Variants in ABCA7 observed in about 807,000 individuals in gnomAD.
The protein encoded by ABCA7 is ATP binding cassette subfamily A member 7.
Under a neutral mutation model 227.6 loss-of-function variants are expected in ABCA7, and 261 were observed. The ratio of observed to expected loss-of-function variants is 1.15; its 90% confidence interval spans 1.04 to 1.27. The LOEUF (loss-of-function observed/expected upper bound fraction) is 1.27. Among genes scored for constraint, ABCA7 ranks in the 50% most tolerant of loss-of-function variants. The pLI, the probability that ABCA7 is intolerant of heterozygous loss-of-function variation, is 0.00. For missense variants in ABCA7, 3,331 were observed against 2,924.5 expected (o/e 1.14, Z -3.21); for synonymous variants, 1,488 against 1,279.7 (o/e 1.16, Z -3.47).
intron 40 of ABCA7, among the ~76,000 whole-genome samples, chr19:1,061,039 C>A (rs2042617543): frequency 6.6e-6 from 1 of 152,090 alleles, no homozygotes; most frequent in South Asian, 2.1e-4. Flanking sequence ...TCGCTACATA[C>A]CCCAATATCT....
At chr19:1,061,638 G>T in intron 40 of ABCA7, 144 bp from the exon 41 acceptor site, 2 of 675,040 alleles carry the variant, frequency 3.0e-6, no homozygotes, top group Non-Finnish European at 2.4e-6. Flanking sequence ...GGCAGAGGTT[G>T]CAGTGAGCCA....
intron 18 of ABCA7, 84 bp from the exon 19 acceptor site, chr19:1,050,837 T>A (rs55999131): frequency 0.34 from 371,559 of 1,095,532 alleles, 68,110 homozygotes; most frequent in Middle Eastern, 0.42. Flanking sequence ...AAAAATTTTT[T>A]AAAAACAGAA....
chr19:1,061,504 G>A (rs1234168474), intron 40 of ABCA7, among the ~76,000 whole-genome samples: 2 of 151,014 alleles, frequency 1.3e-5, no homozygotes, highest in Non-Finnish European at 2.9e-5. Context: ...AGACCATCCT[G>A]GCCAACACGG....
chr19:1,052,779 G>C (rs1291894505), intron 23 of ABCA7, among the ~76,000 whole-genome samples: 1 of 151,330 alleles, frequency 6.6e-6, no homozygotes, highest in Non-Finnish European at 1.5e-5. Flanking sequence ...CCATCCCTGG[G>C]CTGAGCCGGA....
chr19:1,047,790 C>A, intron 16 of ABCA7, 136 bp downstream of exon 16: 1 of 1,038,162 alleles, frequency 9.6e-7, no homozygotes, highest in Non-Finnish European at 1.3e-6. Context: ...CTTCTTGGCA[C>A]ACGCATGCAG....
chr19:1,062,393 C>G (rs549513052), intron 42 of ABCA7, 80 bp downstream of exon 42: 1 of 1,555,496 alleles, frequency 6.4e-7, no homozygotes, highest in Non-Finnish European at 8.7e-7. Context: ...CTGGCCCAAT[C>G]CCGCACTCTC....
rs778596358 is a variant in ABCA7 at position 1,053,401 on chromosome 19, A to C, written c.3293A>C (p.Glu1098Ala). ...CGGCTGGTGGAGGAGCTGCCACACGAGCTGGTGCTGGTGCTGCCCTACACG... is the reference window on the plus strand; with the variant it reads ...CGGCTGGTGGAGGAGCTGCCACACGCGCTGGTGCTGGTGCTGCCCTACACG... ...GARLVEELPH[E>A]LVLVLPYTGA... The change falls in exon 24 of 47, where the codon GAG (glutamate) becomes GCG (alanine). Residue 1098 changes from glutamate (E) to alanine (A), a missense_variant. By Grantham distance (107) the Glu-to-Ala change is moderately radical. Transcript: ENST00000263094. The C allele has an allele frequency of 6.2e-7, 1 of 1,608,316 alleles. No homozygotes were observed. Among genetic ancestry groups the C allele is most frequent in the Admixed American group, 1.7e-5 (1 of 59,770 alleles).
intron 16 of ABCA7, 52 bp downstream of exon 16, chr19:1,047,706 G>A (rs1599597657): frequency 6.6e-7 from 1 of 1,514,778 alleles, no homozygotes; most frequent in African/African-American, 1.4e-5. Context: ...CTTTGCGGGA[G>A]GCTGAGCTAG....
rs1384974342 is a variant in ABCA7, at chr19:1,046,393, T to C, written c.1609T>C (p.Tyr537His). Residue 537 changes from tyrosine to histidine, a missense_variant, in exon 13 of 47, where the codon TAT (tyrosine) becomes CAT (histidine). Coordinates refer to ENST00000263094, the MANE Select transcript of ABCA7 (RefSeq NM_019112.4). ...CCTGCAGCAGATGCCCTATCCGTGC[T>C]ATGTGGACGACGTGTGAGCTCTGGC... ...LYLQQMPYPCYVDDVFLRVLS... is the reference protein window; with the variant it reads ...LYLQQMPYPCHVDDVFLRVLS... 1 of 1,563,524 alleles carries C rather than the reference T, an allele frequency of 6.4e-7. No individual in the cohort carries two copies. Among genetic ancestry groups the C allele is most frequent in the Non-Finnish European group, 8.6e-7 (1 of 1,157,322 alleles).
At chr19:1,062,935 C>T (rs1599726828) in intron 42 of ABCA7, among the ~76,000 whole-genome samples, 10 of 141,958 alleles carry the variant, frequency 7.0e-5, no homozygotes, top group African/African-American at 1.8e-4. Context: ...ATGCTGGCTC[C>T]ACCCACACCA....
intron 42 of ABCA7, among the ~76,000 whole-genome samples, chr19:1,062,865 C>G (rs77620244): frequency 0.036 from 5,299 of 146,222 alleles, 218 homozygotes; most frequent in East Asian, 0.15. Context: ...TCCACCCATA[C>G]CAAGGCCCCA....
Position 1,041,367 on chromosome 19 carries a change from C to T in ABCA7, c.6C>T (p.Ala2=), listed in dbSNP as rs1232884763. The T allele has an allele frequency of 2.5e-6, 4 of 1,614,034 alleles. No homozygotes were observed. Among genetic ancestry groups the T allele is most frequent in the Non-Finnish European group, 3.4e-6 (4 of 1,180,014 alleles). ...GTCCCCTGCCCAGTCTCACCATGGC[C>T]TTCTGGACACAGCTGATGCTGCTGC... M[A]FWTQLMLLLW... is the part of the protein sequence containing the mutation. Residue 2 remains alanine (A), a synonymous_variant, in exon 2 of 47, where the codon GCC becomes GCT. Coordinates refer to ENST00000263094, the MANE Select transcript of ABCA7 (RefSeq NM_019112.4).
chr19:1,041,016 G>A (rs976875485), intron 1 of ABCA7, among the ~76,000 whole-genome samples: 1 of 152,096 alleles, frequency 6.6e-6, no homozygotes, highest in Admixed American at 6.6e-5. Context: ...GGTGGAGCCT[G>A]GTGACGAAAG....
chr19:1,051,040 T>A lies in ABCA7; in HGVS notation c.2672T>A (p.Val891Glu). The change falls in exon 19 of 47, where the codon GTG (valine) becomes GAG (glutamate). Residue 891 changes from valine (V) to glutamate (E), a missense_variant. Physicochemically the swap from Val to Glu is moderately radical, Grantham distance 121. Coordinates refer to ENST00000263094, the MANE Select transcript of ABCA7 (RefSeq NM_019112.4). ...CTGGGCGTCTGTCCTCAGTACAACG[T>A]GCTGTTTGACATGTGCGTCTCGGCA... ...PHLGVCPQYNVLFDMLTVDEH... is the reference protein window; with the variant it reads ...PHLGVCPQYNELFDMLTVDEH... 6.2e-7 allele frequency: 1 copy of A among 1,611,548 alleles called. No homozygotes were observed. Among genetic ancestry groups the A allele is most frequent in the Non-Finnish European group, 8.5e-7 (1 of 1,179,160 alleles).
intron 16 of ABCA7, 71 bp from the exon 17 acceptor site, chr19:1,048,818 AAAAAAC>A (rs1599607692): frequency 1.1e-5 from 9 of 845,142 alleles, no homozygotes; most frequent in Non-Finnish European, 1.6e-5. Flanking sequence ...CAAAAAAAAA[AAAAAAC>A]AAAACCCCAA....
At chr19:1,060,551 G>A (rs950522816) in intron 40 of ABCA7, among the ~76,000 whole-genome samples, 3 of 137,650 alleles carry the variant, frequency 2.2e-5, no homozygotes, top group Non-Finnish European at 4.7e-5. Context: ...ACAAAGTCTC[G>A]CTCTGCCACC....
Position 1,053,479 on chromosome 19 carries a change from T to C in ABCA7, c.3371T>C (p.Leu1124Pro), listed in dbSNP as rs777290670. ...CTCTTCCGAGAGCTAGACACGCGGC[T>C]GGCGGAGCTGAGGCTCACTGGCTAC... ...ATLFRELDTR[L>P]AELRLTGYGI... Residue 1124 changes from leucine (L) to proline (P), a missense_variant, in exon 24 of 47, where the codon CTG (leucine) becomes CCG (proline). Physicochemically the swap from Leu to Pro is moderately conservative, Grantham distance 98. Transcript: ENST00000263094. The C allele has an allele frequency of 6.3e-7, 1 of 1,589,178 alleles. No homozygotes were observed.
chr19:1,049,109 C>G lies in ABCA7; in HGVS notation c.2380+104C>G, dbSNP rs1023198750. On this transcript the variant is annotated intron_variant, in intron 17 of 46. Transcript: ENST00000263094. ...ATGACAATGACCTGGACACCCCAACCCTCACACCTGCCCTGAAGACACTGC... is the reference window on the plus strand; with the variant it reads ...ATGACAATGACCTGGACACCCCAACGCTCACACCTGCCCTGAAGACACTGC... 1.5e-5 allele frequency: 15 copies of G among 1,013,902 alleles called. No homozygotes were observed. The South Asian group carries it at 2.3e-4, about 16-fold the overall frequency. 62.8% of individuals were successfully genotyped at this position (1,013,902 alleles called of 1,614,324 possible). A position where few individuals can be genotyped will look rare whatever the true frequency, so the allele number is the denominator to read the frequency against.
Position 1,057,167 on chromosome 19 carries a change from C to T in ABCA7, c.4764+83C>T, listed in dbSNP as rs927378620. 10 of 1,554,646 alleles carry T rather than the reference C, an allele frequency of 6.4e-6. No homozygotes were observed. In the Admixed American group the frequency reaches 8.7e-5, roughly 13 times the overall value. The stretch of plus-strand genomic sequence containing the variant: ...GGCCCCTTGTAGGCAGGGGCTTGTC[C>T]AAGATGGCCTGGGTAAAGTCTTGAG... On this transcript the variant is annotated intron_variant, in intron 34 of 46. Coordinates refer to ENST00000263094, the MANE Select transcript of ABCA7 (RefSeq NM_019112.4).
Sources: gnomAD v4.1 joint callset for allele counts (sites outside exome capture counted in the v4.1 genomes callset) on GRCh38, gnomAD v4.1.1 for gene constraint, MANE v1.5 for transcripts, NCBI Gene and HGNC (gene_info 2026-07-23, HGNC 2026-07-21) for gene names.